GPHN: variants seen among roughly 807,000 people sequenced by gnomAD.
GPHN encodes the protein gephyrin.
In GPHN, 17 loss-of-function variants were observed where a neutral mutation model predicts 95.5. The observed-to-expected ratio is 0.18, with a 90% CI of 0.12 to 0.27. The LOEUF (loss-of-function observed/expected upper bound fraction) is 0.27. Among genes scored for constraint, GPHN ranks in the 10% least tolerant of loss-of-function variants. The pLI is 1.00. For synonymous variants in GPHN, 320 were observed against 322.5 expected, an observed-to-expected ratio of 0.99 and a Z score of 0.08; for missense variants, 660 against 978.1, an observed-to-expected ratio of 0.67 and a Z score of 4.34.
At chr14:66,712,798 C>G (rs1227180958) in intron 2 of GPHN, among the ~76,000 whole-genome samples, 1 of 152,178 alleles carries the variant, frequency 6.6e-6, no homozygotes, top group African/African-American at 2.4e-5. Context: ...TGCATCCACA[C>G]CAACATCTAA....
At chr14:67,426,240 T>C in the GPHN span, among the ~76,000 whole-genome samples, 1 of 152,190 alleles carries the variant, frequency 6.6e-6, no homozygotes, top group South Asian at 2.1e-4. Flanking sequence ...AAGGAGACTA[T>C]TGTGTGGTCC....
chr14:67,591,439 T>A, the GPHN span, among the ~76,000 whole-genome samples: 1 of 152,204 alleles, frequency 6.6e-6, no homozygotes, highest in Admixed American at 6.5e-5. Context: ...TCTTAAATCC[T>A]TTGTGAAAAA....
intron 3 of GPHN, among the ~76,000 whole-genome samples, chr14:66,801,430 C>G (rs1306410703): frequency 6.6e-6 from 1 of 152,174 alleles, no homozygotes; most frequent in African/African-American, 2.4e-5. Context: ...TTCTTGCAGA[C>G]TTGTAAAGGT....
chr14:67,095,769 G>A (rs568578567), intron 12 of GPHN, among the ~76,000 whole-genome samples: 2 of 151,950 alleles, frequency 1.3e-5, no homozygotes, highest in Admixed American at 6.5e-5. Context: ...TCACACTCTG[G>A]GGACTGTTGT....
chr14:67,317,415 G>T, the GPHN span: 5 of 1,611,138 alleles, frequency 3.1e-6, no homozygotes, highest in Non-Finnish European at 4.2e-6. Flanking sequence ...CAGGAAAACT[G>T]TGGTGTGCAA....
the GPHN span, chr14:67,473,709 G>A: frequency 1.9e-6 from 3 of 1,599,144 alleles, no homozygotes; most frequent in South Asian, 1.1e-5. The surrounding 1 kb of genome is among the most constrained non-coding windows in gnomAD (Gnocchi z 6.5). Flanking sequence ...CAGGAGCAGC[G>A]GGCAGCGGCC....
At chr14:66,964,525 A>G (rs781000100) in intron 8 of GPHN, among the ~76,000 whole-genome samples, 12 of 152,226 alleles carry the variant, frequency 7.9e-5, no homozygotes, top group Non-Finnish European at 1.8e-4. Flanking sequence ...GGGATTAGTA[A>G]CAGTGGGAAC....
At chr14:67,312,386 T>C in the GPHN span, 1 of 543,448 alleles carries the variant, frequency 1.8e-6, no homozygotes. Flanking sequence ...GAGATTATCC[T>C]GGACAACATA....
intron 10 of GPHN, among the ~76,000 whole-genome samples, chr14:67,038,535 A>G (rs1195483107): frequency 2.6e-5 from 4 of 152,148 alleles, no homozygotes; most frequent in African/African-American, 9.7e-5. Context: ...ATGGACATAT[A>G]TTGTCCTTCA....
Position 66,570,959 on chromosome 14 carries a change from G to C in GPHN, c.64+62368G>C, listed in dbSNP as rs190826181. Among the ~76,000 whole-genome samples the C allele has an allele frequency of 1.4e-4, 21 of 151,928 alleles. No individual in the cohort carries two copies. The East Asian group carries it at 3.9e-3, about 28-fold the overall frequency. On this transcript the variant is annotated intron_variant, in intron 1 of 22. Coordinates refer to ENST00000478722, the MANE Select transcript of GPHN (RefSeq NM_020806.5). ...AGGTCTTTAGCCTGTTTTTTAACCT[G>C]GTTATTTTCTTGCTCTTTAGTAGTT... is the stretch of plus-strand genomic sequence containing the variant.
chr14:67,019,348 T>C (rs2073480902), intron 9 of GPHN, among the ~76,000 whole-genome samples: 1 of 152,182 alleles, frequency 6.6e-6, no homozygotes, highest in Non-Finnish European at 1.5e-5. Context: ...TAAAGTCATG[T>C]TTAAAATGGA....
chr14:66,792,522 C>G (rs1442652137), intron 3 of GPHN, among the ~76,000 whole-genome samples: 1 of 150,528 alleles, frequency 6.6e-6, no homozygotes, highest in Non-Finnish European at 1.5e-5. Context: ...CCAAGGAATA[C>G]TATTTTTAAA....
chr14:67,444,697 A>G, the GPHN span, among the ~76,000 whole-genome samples: 3 of 152,228 alleles, frequency 2.0e-5, no homozygotes, highest in Admixed American at 6.5e-5. Flanking sequence ...AGAAGGTGGG[A>G]ACTTTCAGTC....
At chr14:66,594,698 C>T (rs2061899985) in intron 1 of GPHN, among the ~76,000 whole-genome samples, 1 of 152,218 alleles carries the variant, frequency 6.6e-6, no homozygotes, top group South Asian at 2.1e-4. Flanking sequence ...AAATGTAAGA[C>T]CTAAAACTGT....
intron 4 of GPHN, among the ~76,000 whole-genome samples, chr14:66,850,708 T>C (rs942725234): frequency 3.3e-5 from 5 of 152,096 alleles, no homozygotes; most frequent in Non-Finnish European, 5.9e-5. Context: ...AAGAATTATC[T>C]GACCCAAAAT....
the GPHN span, among the ~76,000 whole-genome samples, chr14:67,218,031 A>G: frequency 1.3e-5 from 2 of 151,744 alleles, no homozygotes; most frequent in Non-Finnish European, 2.9e-5. Context: ...GTCTCCATGT[A>G]GTTTCTTTAG....
intron 17 of GPHN, among the ~76,000 whole-genome samples, chr14:67,136,664 G>A (rs1373790273): frequency 2.0e-5 from 3 of 152,130 alleles, no homozygotes; most frequent in African/African-American, 7.2e-5. Context: ...GATCATCTAG[G>A]TAGTTAGCAG....
the GPHN span, among the ~76,000 whole-genome samples, chr14:67,206,269 C>T: frequency 1.3e-5 from 2 of 152,066 alleles, no homozygotes; most frequent in Non-Finnish European, 2.9e-5. Context: ...GAGACCGAGG[C>T]GGGCAGATCA....
intron 1 of GPHN, among the ~76,000 whole-genome samples, chr14:66,658,457 T>G (rs764194345): frequency 1.3e-5 from 2 of 152,156 alleles, no homozygotes; most frequent in African/African-American, 4.8e-5. Flanking sequence ...TAAATAGCAT[T>G]ACATGGTACA....
Sources: gnomAD v4.1 joint callset for allele counts (sites outside exome capture counted in the v4.1 genomes callset) on GRCh38, gnomAD v4.1.1 for gene constraint, Gnocchi (gnomAD v3.1) non-coding constraint, MANE v1.5 for transcripts, NCBI Gene and HGNC (gene_info 2026-07-23, HGNC 2026-07-21) for gene names.